The following RIPOR2 variants were observed in gnomAD, a reference collection of about 807,000 sequenced individuals.
RIPOR2 encodes RHO family interacting cell polarization regulator 2.
Under a neutral mutation model 114.5 loss-of-function variants are expected in RIPOR2, and 39 were observed. The observed-to-expected ratio is 0.34, with a 90% CI of 0.26 to 0.44. The LOEUF is 0.44. Among genes scored for constraint, RIPOR2 ranks in the 20% least tolerant of loss-of-function variants. The pLI, the probability that RIPOR2 is intolerant of heterozygous loss-of-function variation, is 1.00. For missense variants in RIPOR2, 1,007 were observed against 1,255.1 expected (o/e 0.80, Z 2.99); for synonymous variants, 445 against 484.4 (o/e 0.92, Z 1.07).
chr6:25,006,603 T>G (rs970640300), intron 1 of RIPOR2, among the ~76,000 whole-genome samples: 4 of 152,190 alleles, frequency 2.6e-5, no homozygotes, highest in African/African-American at 9.7e-5. Flanking sequence ...GTTCATCCCC[T>G]GTGTCCTCCA....
intron 1 of RIPOR2, among the ~76,000 whole-genome samples, chr6:24,976,001 G>C (rs1774021524): frequency 6.6e-6 from 1 of 152,018 alleles, no homozygotes; most frequent in Non-Finnish European, 1.5e-5. Flanking sequence ...TATTTTGCCA[G>C]AGTTAAAAAT....
chr6:24,925,838 C>G (rs903029619), intron 1 of RIPOR2, among the ~76,000 whole-genome samples: 3 of 152,124 alleles, frequency 2.0e-5, no homozygotes, highest in African/African-American at 7.2e-5. Context: ...TTAATGAGCT[C>G]ACAGAGGATT....
chr6:24,864,828 T>G (rs1252482626), intron 7 of RIPOR2, among the ~76,000 whole-genome samples: 1 of 152,200 alleles, frequency 6.6e-6, no homozygotes, highest in Non-Finnish European at 1.5e-5. Flanking sequence ...TGACATCCAG[T>G]GTAGCTATCT....
chr6:24,888,425 G>A (rs1269985514), intron 1 of RIPOR2, among the ~76,000 whole-genome samples: 1 of 152,010 alleles, frequency 6.6e-6, no homozygotes, highest in African/African-American at 2.4e-5. Flanking sequence ...CACTTCTACT[G>A]GTATTTGACT....
chr6:24,874,823 G>A (rs935855342), intron 2 of RIPOR2, among the ~76,000 whole-genome samples: 26 of 152,174 alleles, frequency 1.7e-4, no homozygotes, highest in African/African-American at 5.3e-4. Flanking sequence ...TAAAATACAC[G>A]TAGCTTTTTT....
chr6:25,014,217 G>A (rs143889790), intron 1 of RIPOR2, among the ~76,000 whole-genome samples: 70 of 152,234 alleles, frequency 4.6e-4, no homozygotes, highest in Non-Finnish European at 7.8e-4. Context: ...GCTTTAAACC[G>A]CTTGCTTGAA....
intron 21 of RIPOR2, 24 bp downstream of exon 21, chr6:24,809,693 G>A (rs1236584652): frequency 6.9e-7 from 1 of 1,444,698 alleles, no homozygotes; most frequent in South Asian, 1.2e-5. Flanking sequence ...AAACAATCAT[G>A]TAAACAACAA....
intron 10 of RIPOR2, among the ~76,000 whole-genome samples, 153 bp from the exon 11 acceptor site, chr6:24,850,103 T>C (rs1270965497): frequency 1.3e-5 from 2 of 148,412 alleles, no homozygotes; most frequent in African/African-American, 5.1e-5. Flanking sequence ...TTTTCTTTTT[T>C]TTTTTTTTTT....
At chr6:24,915,847 A>G (rs1770034671) in intron 1 of RIPOR2, among the ~76,000 whole-genome samples, 1 of 152,192 alleles carries the variant, frequency 6.6e-6, no homozygotes, top group Non-Finnish European at 1.5e-5. Flanking sequence ...AACCAAGTCC[A>G]AATAGGCATC....
intron 1 of RIPOR2, among the ~76,000 whole-genome samples, chr6:24,925,922 G>C (rs952404192): frequency 6.6e-6 from 1 of 151,956 alleles, no homozygotes; most frequent in African/African-American, 2.4e-5. Flanking sequence ...TGTTTGTCCT[G>C]TACATTTGTA....
chr6:24,847,965 C>T lies in RIPOR2; in HGVS notation c.1164+60G>A, dbSNP rs1762482076. On this transcript the variant is annotated intron_variant, in intron 12 of 21. Coordinates refer to ENST00000643898, the MANE Select transcript of RIPOR2 (RefSeq NM_001286445.3). ...CACTGTCTCTTAAGCATTTCAAATG[C>T]TGGGTGCAAGCACTGGCTCAGGTGC... The T allele has an allele frequency of 6.9e-6, 11 of 1,604,864 alleles. No individual in the cohort carries two copies. The Admixed American group carries it at 1.7e-4, about 24-fold the overall frequency.
chr6:24,998,354 C>T (rs769819426), intron 1 of RIPOR2, among the ~76,000 whole-genome samples: 1 of 152,092 alleles, frequency 6.6e-6, no homozygotes, highest in African/African-American at 2.4e-5. Context: ...GACATATGTA[C>T]AAATCAGTAC....
intron 6 of RIPOR2, among the ~76,000 whole-genome samples, chr6:24,867,246 T>C (rs1764694687): frequency 6.6e-6 from 1 of 152,228 alleles, no homozygotes; most frequent in Non-Finnish European, 1.5e-5. Context: ...GAGTGTCCTA[T>C]CTGCTGATGA....
intron 2 of RIPOR2, 54 bp from the exon 3 acceptor site, chr6:24,873,853 C>CA: frequency 6.9e-7 from 1 of 1,453,012 alleles, no homozygotes; most frequent in African/African-American, 1.4e-5. Flanking sequence ...AGGATTTGAC[C>CA]AAAGAAAAAT....
At chr6:24,847,285 T>TA (rs2113758342) in intron 12 of RIPOR2, among the ~76,000 whole-genome samples, 1 of 152,292 alleles carries the variant, frequency 6.6e-6, no homozygotes, top group Non-Finnish European at 1.5e-5. Flanking sequence ...TAAACTTGTT[T>TA]AAAATCTTGT....
At chr6:25,039,218 C>T (rs1777372700) in intron 1 of RIPOR2, among the ~76,000 whole-genome samples, 1 of 152,196 alleles carries the variant, frequency 6.6e-6, no homozygotes, top group African/African-American at 2.4e-5. Context: ...TTGAGGGCCA[C>T]CCTTGCAGGC....
chr6:25,035,896 T>G (rs1260042349), intron 1 of RIPOR2, among the ~76,000 whole-genome samples: 2 of 152,230 alleles, frequency 1.3e-5, no homozygotes, highest in Admixed American at 1.3e-4. Context: ...CAGTGGTATT[T>G]AGAAGAAAAT....
intron 1 of RIPOR2, among the ~76,000 whole-genome samples, chr6:25,040,827 A>G (rs1425150788): frequency 6.6e-6 from 1 of 152,000 alleles, no homozygotes; most frequent in African/African-American, 2.4e-5. Context: ...TCTTGACGTC[A>G]TGATCCTCCC....
At chr6:24,949,662 C>T (rs915016585) in intron 1 of RIPOR2, among the ~76,000 whole-genome samples, 3 of 152,318 alleles carry the variant, frequency 2.0e-5, no homozygotes, top group Admixed American at 6.5e-5. Flanking sequence ...ATTATATTCC[C>T]ATCTTCTAAT....
Sources: allele counts gnomAD v4.1 joint callset (sites outside exome capture counted in the v4.1 genomes callset), GRCh38; gene constraint gnomAD v4.1.1; transcripts MANE v1.5; gene names NCBI Gene and HGNC (gene_info 2026-07-23, HGNC 2026-07-21).